CNKSR1: variants seen among roughly 807,000 people sequenced by gnomAD.
The protein encoded by CNKSR1 is CNK homolog protein 1.
A neutral mutation model predicts 95.6 loss-of-function variants in CNKSR1; 88 were observed. The observed-to-expected ratio is 0.92, with a 90% CI of 0.78 to 1.10. CNKSR1 has a LOEUF of 1.10. CNKSR1 is among the 50% of genes least tolerant of loss of function. CNKSR1 has a pLI of 0.00. For synonymous variants in CNKSR1, 355 were observed against 369.7 expected, an observed-to-expected ratio of 0.96 and a Z score of 0.46; for missense variants, 836 against 912.0, an observed-to-expected ratio of 0.92 and a Z score of 1.07.
At position 26,185,541 on chromosome 1, in the gene CNKSR1, C is replaced by T. The variant is rs546903798; in HGVS notation, c.1308+355C>T. 4.6e-5 allele frequency among the ~76,000 whole-genome samples: 7 copies of T among 151,886 alleles called. No homozygotes were observed. In the East Asian group the frequency reaches 5.8e-4, roughly 13 times the overall value. On this transcript the variant is annotated intron_variant, in intron 14 of 20. Coordinates refer to ENST00000361530, the MANE Select transcript of CNKSR1 (RefSeq NM_006314.3). ...CCGAGCAGCTGGAACTACAGGCGCC[C>T]GCCACAACGCCCAGCATATTTTTTG...
rs1234541577 is a variant in CNKSR1 at position 26,183,772 on chromosome 1, A to C, written c.797A>C (p.Glu266Ala). The C allele has an allele frequency of 3.1e-6, 5 of 1,613,372 alleles. No homozygotes were observed. In the African/African-American group the frequency reaches 6.7e-5, roughly 22 times the overall value. The change falls in exon 9 of 21, where the codon GAG becomes GCG. Residue 266 changes from glutamate to alanine, a missense_variant. Transcript: ENST00000361530. ...AACATGGTGAGGGAACTGCTGCGGG[A>C]GCCAGCCGGACTCAGCTTAGTGCTG... ...RKNMVRELLR[E>A]PAGLSLVLKK... is the part of the protein sequence containing the mutation.
At chr1:26,184,754 T>TTTCCAGGA in intron 13 of CNKSR1, 142 bp downstream of exon 13, 1 of 1,108,656 alleles carries the variant, frequency 9.0e-7, no homozygotes, top group Non-Finnish European at 1.3e-6. Context: ...GACAGAGCTG[T>TTTCCAGGA]GCTCCCAGTC....
Position 26,189,309 on chromosome 1 carries a change from G to A in CNKSR1, c.1903G>A (p.Glu635Lys). The A allele has an allele frequency of 6.2e-7, 1 of 1,614,182 alleles. No individual in the cohort carries two copies. The highest frequency in any genetic ancestry group is 8.5e-7 in the Non-Finnish European group (1 of 1,180,004). The part of the protein sequence containing the change: ...AKLQELQVLE[E>K]VLGDPELTGE... ...GCTGCAGGAGCTGCAGGTCCTAGAAGAAGTGCTGGGTGACCCTGAGCTGAC... is the reference window on the plus strand; with the variant it reads ...GCTGCAGGAGCTGCAGGTCCTAGAAAAAGTGCTGGGTGACCCTGAGCTGAC... Residue 635 changes from glutamate (E) to lysine (K), a missense_variant, in exon 21 of 21, where the codon GAA becomes AAA. Physicochemically the swap from Glu to Lys is moderately conservative, Grantham distance 56. Transcript: ENST00000361530.
chr1:26,179,520 A>G (rs1391194891), intron 1 of CNKSR1, among the ~76,000 whole-genome samples: 1 of 152,194 alleles, frequency 6.6e-6, no homozygotes, highest in Non-Finnish European at 1.5e-5. Context: ...GATGCTGGAA[A>G]GGGAGGTAGT....
In CNKSR1 at chr1:26,183,791, A is replaced by C. The variant is rs756230519; in HGVS notation, c.816A>C (p.Leu272Phe). Residue 272 changes from leucine (L) to phenylalanine (F), a missense_variant, in exon 9 of 21, where the codon TTA becomes TTC. Transcript: ENST00000361530. ...ELLREPAGLS[L>F]VLKKIPIPET... Reference sequence around the variant, plus strand: ...TGCGGGAGCCAGCCGGACTCAGCTTAGTGCTGAAGAAGATCCCGATACCGG... The same window carrying C: ...TGCGGGAGCCAGCCGGACTCAGCTTCGTGCTGAAGAAGATCCCGATACCGG... The C allele has an allele frequency of 1.2e-6, 2 of 1,613,254 alleles. No individual in the cohort carries two copies. Among genetic ancestry groups the C allele is most frequent in the East Asian group, 2.2e-5 (1 of 44,846 alleles).
intron 5 of CNKSR1, 24 bp from the exon 6 acceptor site, chr1:26,182,456 A>G (rs771073944): frequency 6.2e-7 from 1 of 1,613,166 alleles, no homozygotes; most frequent in African/African-American, 1.3e-5. Flanking sequence ...GGCTCAGGCT[A>G]CATAGCCCGC....
In CNKSR1 at chr1:26,180,891, C is replaced by T. The variant is rs968971616; in HGVS notation, c.387C>T (p.Leu129=). The change falls in exon 3 of 21, where the codon CTC becomes CTT. Residue 129 remains leucine (L), a synonymous_variant. Transcript: ENST00000361530. ...LHEADALLFW[L]SRYLFSHLND... ...AAGCTGACGCCCTCCTCTTCTGGCT[C>T]AGCAGGTACCCGGGTTGGGGTGACG... 3 of 1,614,218 alleles carry T rather than the reference C, an allele frequency of 1.9e-6. No individual in the cohort carries two copies. Among genetic ancestry groups the T allele is most frequent in the Non-Finnish European group, 1.7e-6 (2 of 1,180,036 alleles).
chr1:26,184,390 C>T lies in CNKSR1; in HGVS notation c.1001-11C>T. 2 of 1,610,910 alleles carry T rather than the reference C, an allele frequency of 1.2e-6. No individual in the cohort carries two copies. Among genetic ancestry groups the T allele is most frequent in the African/African-American group, 1.3e-5 (1 of 74,972 alleles). ...CATAGACTTTCCCTCTCTCTCCTCCCTCCCTGACAGACTCTGCCTCCCTTG... is the reference window on the plus strand; with the variant it reads ...CATAGACTTTCCCTCTCTCTCCTCCTTCCCTGACAGACTCTGCCTCCCTTG... On this transcript the variant is annotated splice_polypyrimidine_tract_variant and intron_variant, in intron 11 of 20. Coordinates refer to ENST00000361530, the MANE Select transcript of CNKSR1 (RefSeq NM_006314.3).
Position 26,183,846 on chromosome 1 carries a change from G to T in CNKSR1, c.855+16G>T. ...CCCCCCACAGGTACCTTCCCCTGCC[G>T]CCCCCCGACCTGCCTTCAGACCCCC... On this transcript the variant is annotated intron_variant, in intron 9 of 20. Transcript: ENST00000361530. 2 of 1,238,082 alleles carry T rather than the reference G, an allele frequency of 1.6e-6. No homozygotes were observed. The highest frequency in any genetic ancestry group is 1.3e-5 in the South Asian group (1 of 79,320). 76.7% of individuals were successfully genotyped at this position (1,238,082 alleles called of 1,614,324 possible).
Position 26,188,604 on chromosome 1 carries a change from C to A in CNKSR1, c.1597C>A (p.Pro533Thr). The A allele has an allele frequency of 6.2e-7, 1 of 1,613,722 alleles. No individual in the cohort carries two copies. The highest frequency in any genetic ancestry group is 1.1e-5 in the South Asian group (1 of 91,062). ...CTTTCCACCCTGCCTGCAGCCCAGC[C>A]CTGCTCAAGCTGGGAGTCCCCTCCA... Reference protein sequence around the residue: ...EAGSHSASPSPAQAGSPLHGD... With the variant: ...EAGSHSASPSTAQAGSPLHGD... The change falls in exon 19 of 21, where the codon CCT (proline) becomes ACT (threonine). Residue 533 changes from proline (P) to threonine (T), a missense_variant. By Grantham distance (38) the Pro-to-Thr change is conservative. Coordinates refer to ENST00000361530, the MANE Select transcript of CNKSR1 (RefSeq NM_006314.3).
chr1:26,188,509 T>G lies in CNKSR1; in HGVS notation c.1590+6T>G. On this transcript the variant is annotated splice_donor_region_variant and intron_variant, in intron 18 of 20. Coordinates refer to ENST00000361530, the MANE Select transcript of CNKSR1 (RefSeq NM_006314.3). ...CTGGGTCCCACTCAGCCTCGGTGAG[T>G]GGGGGGCTGCCGGGGGTAGGAGGTG... 1.2e-6 allele frequency: 2 copies of G among 1,601,390 alleles called. No homozygotes were observed. Among genetic ancestry groups the G allele is most frequent in the South Asian group, 1.1e-5 (1 of 89,304 alleles).
chr1:26,180,925 A>C, intron 3 of CNKSR1, 29 bp downstream of exon 3: 1 of 1,613,338 alleles, frequency 6.2e-7, no homozygotes, highest in Non-Finnish European at 8.5e-7. Flanking sequence ...CGAGTGAGGG[A>C]CTATTGTCAT....
In CNKSR1 at chr1:26,183,261, G is replaced by A. The variant is rs746390463; in HGVS notation, c.684+5G>A. ...GTGTCCCAAGTGGACACCCAGGTGA[G>A]AGCCCCACACCCTTCTCAGCCGCCC... On this transcript the variant is annotated splice_donor_5th_base_variant and intron_variant, in intron 7 of 20. Coordinates refer to ENST00000361530, the MANE Select transcript of CNKSR1 (RefSeq NM_006314.3). 1 of 1,614,164 alleles carries A rather than the reference G, an allele frequency of 6.2e-7. No individual in the cohort carries two copies. Among genetic ancestry groups the A allele is most frequent in the South Asian group, 1.1e-5 (1 of 91,082 alleles).
Position 26,177,605 on chromosome 1 carries a change from T to G in CNKSR1, c.52+6T>G, listed in dbSNP as rs1255671769. 2.5e-6 allele frequency: 4 copies of G among 1,612,698 alleles called. No homozygotes were observed. Among genetic ancestry groups the G allele is most frequent in the Non-Finnish European group, 3.4e-6 (4 of 1,179,734 alleles). On this transcript the variant is annotated splice_donor_region_variant and intron_variant, in intron 1 of 20. Coordinates refer to ENST00000361530, the MANE Select transcript of CNKSR1 (RefSeq NM_006314.3). ...GGTGGCAACTTGGCTGAGAGGTGGG[T>G]GGGGCTGGGGTAGAGTTGGGCTTGA...
intron 4 of CNKSR1, 145 bp from the exon 5 acceptor site, chr1:26,182,216 G>A (rs1310629912): frequency 9.4e-6 from 8 of 850,094 alleles, no homozygotes; most frequent in Admixed American, 2.3e-5. Flanking sequence ...TGGTTAAAAC[G>A]CTGAGGCCCT....
At chr1:26,182,631 T>C in intron 6 of CNKSR1, 47 bp downstream of exon 6, 1 of 1,518,050 alleles carries the variant, frequency 6.6e-7, no homozygotes, top group Non-Finnish European at 9.1e-7. Flanking sequence ...TTGGCAGCCT[T>C]GTCTGGGCCC....
rs1388001289 is a variant in CNKSR1, at chr1:26,183,433, A to G, written c.753+19A>G. The G allele has an allele frequency of 6.2e-7, 1 of 1,613,572 alleles. No homozygotes were observed. The highest frequency in any genetic ancestry group is 8.5e-7 in the Non-Finnish European group (1 of 1,179,614). ...GGTGGTGGTGCGTGAGGAGAGGGACATGGTAGGAGGTGAAGGGGTCACCGA... is the reference window on the plus strand; with the variant it reads ...GGTGGTGGTGCGTGAGGAGAGGGACGTGGTAGGAGGTGAAGGGGTCACCGA... On this transcript the variant is annotated intron_variant, in intron 8 of 20. Coordinates refer to ENST00000361530, the MANE Select transcript of CNKSR1 (RefSeq NM_006314.3).
At chr1:26,180,289 T>C (rs1327223750) in intron 1 of CNKSR1, 164 bp from the exon 2 acceptor site, 3 of 818,068 alleles carry the variant, frequency 3.7e-6, no homozygotes, top group East Asian at 2.6e-5. Flanking sequence ...ACTTTCCTGC[T>C]TCTCAACTCA....
rs1343653262 is a variant in CNKSR1 at position 26,184,627 on chromosome 1, G to A, written c.1135+15G>A. The A allele has an allele frequency of 6.3e-7, 1 of 1,591,942 alleles. No individual in the cohort carries two copies. Reference sequence around the variant, plus strand: ...GAAATCAAAAGGTATGAGGTGCGCTGGACTAGGTGGGGGTTCCCCTGTTTG... The same window carrying A: ...GAAATCAAAAGGTATGAGGTGCGCTAGACTAGGTGGGGGTTCCCCTGTTTG... On this transcript the variant is annotated intron_variant, in intron 13 of 20. Coordinates refer to ENST00000361530, the MANE Select transcript of CNKSR1 (RefSeq NM_006314.3).
Sources: gnomAD v4.1 joint callset for allele counts (sites outside exome capture counted in the v4.1 genomes callset) on GRCh38, gnomAD v4.1.1 for gene constraint, MANE v1.5 for transcripts, NCBI Gene and HGNC (gene_info 2026-07-23, HGNC 2026-07-21) for gene names.